The following CRKL variants were observed in gnomAD, a reference collection of about 807,000 sequenced individuals.
CRKL encodes the protein CRK like proto-oncogene, adaptor protein.
Under a neutral mutation model 23.0 loss-of-function variants are expected in CRKL, and 3 were observed. The observed-to-expected ratio is 0.13, with a 90% confidence interval of 0.06 to 0.34. The LOEUF is 0.34. Among genes scored for constraint, CRKL ranks in the 10% least tolerant of loss-of-function variants. The pLI, the probability that CRKL is intolerant of heterozygous loss-of-function variation, is 1.00. For synonymous variants in CRKL, 188 were observed against 160.7 expected, an observed-to-expected ratio of 1.17 and a Z score of -1.28; for missense variants, 256 against 394.5, an observed-to-expected ratio of 0.65 and a Z score of 2.97.
intron 2 of CRKL, among the ~76,000 whole-genome samples, chr22:20,943,321 C>T (rs1921943101): frequency 6.6e-6 from 1 of 152,108 alleles, no homozygotes; most frequent in Non-Finnish European, 1.5e-5. Context: ...CTCACTGCAA[C>T]TTCTGCCTTC....
intron 1 of CRKL, among the ~76,000 whole-genome samples, chr22:20,923,829 C>T (rs780971183): frequency 2.0e-4 from 29 of 146,164 alleles, no homozygotes; most frequent in Non-Finnish European, 4.2e-4. Flanking sequence ...CTGCTCGCCT[C>T]GGCCTCCCAA....
chr22:20,942,778 C>T (rs1353896220), intron 2 of CRKL, among the ~76,000 whole-genome samples: 1 of 152,046 alleles, frequency 6.6e-6, no homozygotes, highest in African/African-American at 2.4e-5. Flanking sequence ...CGTGCCACCA[C>T]ACCTGGCTAA....
intron 2 of CRKL, among the ~76,000 whole-genome samples, chr22:20,949,016 A>C (rs1811307914): frequency 1.3e-5 from 2 of 152,146 alleles, no homozygotes; most frequent in Admixed American, 1.3e-4. Flanking sequence ...AACCATTCTC[A>C]GAATCATGTG....
At position 20,939,380 on chromosome 22, in the gene CRKL, A is replaced by C. The variant is rs576833664; in HGVS notation, c.777+5136A>C. On this transcript the variant is annotated intron_variant, in intron 2 of 2. Coordinates refer to ENST00000354336, the MANE Select transcript of CRKL (RefSeq NM_005207.4). ...CTCAGCCTCCGGAGTAGCTGGGACTACAGGCACCTGCCACCACGCCCGGCT... is the reference window on the plus strand; with the variant it reads ...CTCAGCCTCCGGAGTAGCTGGGACTCCAGGCACCTGCCACCACGCCCGGCT... Among the ~76,000 whole-genome samples the C allele has an allele frequency of 4.8e-4, 72 of 150,024 alleles. 2 individuals are homozygous for C. The highest frequency in any genetic ancestry group is 5.4e-4 in the Admixed American group (8 of 14,802).
chr22:20,918,521 G>T lies in CRKL; in HGVS notation c.311+276G>T, dbSNP rs547544309. Among the ~76,000 whole-genome samples the T allele has an allele frequency of 1.2e-3, 187 of 151,722 alleles. 1 individual carries two copies. The highest frequency in any genetic ancestry group is 3.4e-3 in the Middle Eastern group (1 of 290). On this transcript the variant is annotated intron_variant, in intron 1 of 2. Transcript: ENST00000354336. ...CGGTGGTTGCATAGTTAAAATGCAC[G>T]CTTTTTGCCTTTCGTGACTTTCTCT...
intron 2 of CRKL, among the ~76,000 whole-genome samples, chr22:20,948,984 C>A (rs761387623): frequency 1.3e-5 from 2 of 152,056 alleles, no homozygotes; most frequent in Non-Finnish European, 2.9e-5. Flanking sequence ...TTAAAATACA[C>A]CTTTTTGTGT....
intron 1 of CRKL, among the ~76,000 whole-genome samples, chr22:20,919,231 A>T (rs1319627993): frequency 3.3e-5 from 5 of 151,308 alleles, no homozygotes; most frequent in African/African-American, 1.2e-4. Flanking sequence ...CAAAGATAAG[A>T]GAAGGTGCAT....
At chr22:20,930,124 T>G (rs538443459) in intron 1 of CRKL, among the ~76,000 whole-genome samples, 1 of 152,238 alleles carries the variant, frequency 6.6e-6, no homozygotes, top group South Asian at 2.1e-4. Context: ...AGTATAGTAG[T>G]GGAGGGAAAT....
chr22:20,921,834 G>A (rs571216200), intron 1 of CRKL, among the ~76,000 whole-genome samples: 46 of 150,712 alleles, frequency 3.1e-4, no homozygotes, highest in African/African-American at 1.1e-3. Context: ...TCAGCCTCCC[G>A]AGTAGCTGGG....
At chr22:20,945,194 G>A (rs1241400958) in intron 2 of CRKL, among the ~76,000 whole-genome samples, 1 of 150,138 alleles carries the variant, frequency 6.7e-6, no homozygotes, top group Non-Finnish European at 1.5e-5. Context: ...GGGGTTTCAC[G>A]GTATTAGCCA....
At chr22:20,928,325 C>T (rs961397122) in intron 1 of CRKL, among the ~76,000 whole-genome samples, 1 of 152,012 alleles carries the variant, frequency 6.6e-6, no homozygotes, top group East Asian at 1.9e-4. Context: ...GGCATGGTGG[C>T]TCATGCCTGT....
At chr22:20,925,870 G>C (rs1326288652) in intron 1 of CRKL, among the ~76,000 whole-genome samples, 1 of 152,202 alleles carries the variant, frequency 6.6e-6, no homozygotes, top group Non-Finnish European at 1.5e-5. Context: ...TTGATATATA[G>C]AGGCCTACAA....
At chr22:20,920,433 C>T (rs535708444) in intron 1 of CRKL, among the ~76,000 whole-genome samples, 1 of 151,014 alleles carries the variant, frequency 6.6e-6, no homozygotes, top group South Asian at 2.1e-4. Flanking sequence ...ACCCGGGAGG[C>T]GGAGGTTGCA....
intron 2 of CRKL, 27 bp from the exon 3 acceptor site, chr22:20,949,684 C>G (rs2147918142): frequency 1.9e-6 from 3 of 1,607,112 alleles, no homozygotes; most frequent in Non-Finnish European, 2.5e-6. Context: ...CAGAGAAATG[C>G]TAACTTTGTC....
chr22:20,923,083 GAT>G (rs1164737495), intron 1 of CRKL, among the ~76,000 whole-genome samples: 2 of 152,068 alleles, frequency 1.3e-5, no homozygotes, highest in African/African-American at 4.8e-5. Context: ...TGTGTCGATA[GAT>G]AAATTCAGGC....
chr22:20,948,219 T>G (rs1922140202), intron 2 of CRKL, among the ~76,000 whole-genome samples: 1 of 152,194 alleles, frequency 6.6e-6, no homozygotes, highest in Admixed American at 6.6e-5. Context: ...CAGCTTTCAA[T>G]CCTTAGCCTC....
At chr22:20,945,626 T>G (rs2147915105) in intron 2 of CRKL, among the ~76,000 whole-genome samples, 1 of 152,202 alleles carries the variant, frequency 6.6e-6, no homozygotes, top group Admixed American at 6.5e-5. Context: ...TAGCATTCAG[T>G]TGTGGGTTTG....
At chr22:20,933,429 G>T (rs1921534869) in intron 1 of CRKL, among the ~76,000 whole-genome samples, 1 of 151,946 alleles carries the variant, frequency 6.6e-6, no homozygotes, top group South Asian at 2.1e-4. Flanking sequence ...CACGTTGGGA[G>T]GCCGAGGTGC....
intron 2 of CRKL, among the ~76,000 whole-genome samples, chr22:20,946,723 C>CAAA (rs771877816): frequency 1.7e-4 from 15 of 87,496 alleles, no homozygotes; most frequent in African/African-American, 4.2e-4. Context: ...CCCCTCCCTC[C>CAAA]AAAAAAAAAA....
Sources: allele counts gnomAD v4.1 joint callset (sites outside exome capture counted in the v4.1 genomes callset), GRCh38; gene constraint gnomAD v4.1.1; transcripts MANE v1.5; gene names NCBI Gene and HGNC (gene_info 2026-07-23, HGNC 2026-07-21).